ZDHHC7: variants seen among roughly 807,000 people sequenced by gnomAD.
ZDHHC7 encodes palmitoyltransferase ZDHHC7.
ZDHHC7 carries 12 observed loss-of-function variants against 34.1 expected under a neutral mutation model. The ratio of observed to expected loss-of-function variants is 0.35; its 90% CI spans 0.23 to 0.57. ZDHHC7 has a LOEUF of 0.57. Ranked by LOEUF, ZDHHC7 falls within the 20% of genes least tolerant of loss-of-function variation. The probability of loss-of-function intolerance (pLI) is 0.84; values close to 1 mark genes in which losing one functional copy is unlikely to be tolerated. For synonymous variants in ZDHHC7, 185 were observed against 155.4 expected (o/e 1.19, Z -1.42); for missense variants, 388 against 402.7 (o/e 0.96, Z 0.31).
At position 84,975,425 on chromosome 16, in the gene ZDHHC7, T is replaced by TA. The variant is rs2143523620; in HGVS notation, c.*917dup. The TA allele has an allele frequency of 6.6e-6, 1 of 152,096 alleles. No homozygotes were observed. Among genetic ancestry groups the TA allele is most frequent in the Admixed American group, 6.6e-5 (1 of 15,238 alleles). The allele number at this position is 152,096 out of a possible 1,614,324, so 9.4% of individuals were successfully genotyped here. A position where few individuals can be genotyped will look rare whatever the true frequency, so the allele number is the denominator to read the frequency against. The stretch of plus-strand genomic sequence containing the variant: ...GCTCTGCTCTTACCTAGGTGCCATT[T>TA]ATACACTGCTAATTTGGCTGGAACA... On this transcript the variant is annotated 3_prime_UTR_variant, in exon 8 of 8. Coordinates refer to ENST00000313732, the MANE Select transcript of ZDHHC7 (RefSeq NM_017740.3).
At chr16:85,000,054 C>T (rs1224404347) in intron 1 of ZDHHC7, among the ~76,000 whole-genome samples, 1 of 151,728 alleles carries the variant, frequency 6.6e-6, no homozygotes, top group Non-Finnish European at 1.5e-5. Flanking sequence ...GCAGGAGGAT[C>T]GCTTGAGTCT....
intron 1 of ZDHHC7, among the ~76,000 whole-genome samples, chr16:85,005,779 T>G (rs1012020368): frequency 1.3e-5 from 2 of 152,220 alleles, no homozygotes; most frequent in Non-Finnish European, 2.9e-5. Context: ...CGGCAGTGTT[T>G]CCCGGTGAAC....
chr16:84,989,378 C>G (rs953830555), intron 3 of ZDHHC7, among the ~76,000 whole-genome samples: 2 of 152,160 alleles, frequency 1.3e-5, no homozygotes, highest in Non-Finnish European at 2.9e-5. Context: ...ATTCTGTGAG[C>G]TGATCCGTTT....
chr16:84,979,891 C>G (rs2072343938), intron 4 of ZDHHC7, among the ~76,000 whole-genome samples: 1 of 151,116 alleles, frequency 6.6e-6, no homozygotes, highest in African/African-American at 2.4e-5. Context: ...TTAATTACAT[C>G]AAGCAGACAT....
At chr16:84,978,616 A>G (rs2143547712) in intron 5 of ZDHHC7, among the ~76,000 whole-genome samples, 1 of 152,200 alleles carries the variant, frequency 6.6e-6, no homozygotes, top group Admixed American at 6.5e-5. Flanking sequence ...TAATCCTAGC[A>G]CTTTGGGAGG....
At chr16:85,010,310 C>A (rs967570532) in intron 1 of ZDHHC7, among the ~76,000 whole-genome samples, 9 of 152,130 alleles carry the variant, frequency 5.9e-5, no homozygotes, top group African/African-American at 1.9e-4. Context: ...GCATGAGCCA[C>A]GAGCCACCGC....
At chr16:84,998,806 T>C (rs577576532) in intron 1 of ZDHHC7, among the ~76,000 whole-genome samples, 2 of 142,056 alleles carry the variant, frequency 1.4e-5, no homozygotes, top group African/African-American at 5.4e-5. Context: ...CAGGCTGGAG[T>C]GCAGTGGCGC....
upstream of ZDHHC7, among the ~76,000 whole-genome samples, chr16:85,013,362 C>T (rs918345846): frequency 7.9e-5 from 12 of 152,016 alleles, no homozygotes; most frequent in African/African-American, 2.7e-4. Context: ...CCTGCCTCAA[C>T]CTCCTGAGTA....
intron 3 of ZDHHC7, among the ~76,000 whole-genome samples, chr16:84,988,325 C>T (rs994962217): frequency 5.3e-5 from 8 of 152,042 alleles, no homozygotes; most frequent in Non-Finnish European, 5.9e-5. Context: ...GTCCTAAAAC[C>T]GACTGGGTGA....
intron 1 of ZDHHC7, among the ~76,000 whole-genome samples, chr16:85,004,541 C>A (rs1039482326): frequency 4.0e-5 from 6 of 151,382 alleles, no homozygotes; most frequent in Admixed American, 2.0e-4. Context: ...CCCCACCCCC[C>A]ACTCCACCCC....
chr16:85,001,240 G>A (rs1283192272), intron 1 of ZDHHC7, among the ~76,000 whole-genome samples: 1 of 152,124 alleles, frequency 6.6e-6, no homozygotes, highest in Non-Finnish European at 1.5e-5. Context: ...GGAGGCCAAG[G>A]TGGGTGGATC....
In ZDHHC7 at chr16:85,002,190, C is replaced by T. The variant is rs2072661930; in HGVS notation, c.-103-6183G>A. 2.6e-5 allele frequency among the ~76,000 whole-genome samples: 4 copies of T among 152,152 alleles called. No homozygotes were observed. In the South Asian group the frequency reaches 8.3e-4, roughly 32 times the overall value. Reference sequence around the variant, plus strand: ...AAACAGAAAATAGACAAATACCCAGCGCCACGAGTCCGAGGAATGCCTGTG... The same window carrying T: ...AAACAGAAAATAGACAAATACCCAGTGCCACGAGTCCGAGGAATGCCTGTG... On this transcript the variant is annotated intron_variant, in intron 1 of 7. Transcript: ENST00000313732.
In ZDHHC7 at chr16:84,974,864, G is replaced by GC. The variant is rs2072274091; in HGVS notation, c.*1478dup. ...TAGGTCCCTTTGTGGTTTTGCATCA[G>GC]CAGTGGTAGAAGCCCTGATTCGGAT... is the stretch of plus-strand genomic sequence containing the variant. On this transcript the variant is annotated 3_prime_UTR_variant, in exon 8 of 8. Coordinates refer to ENST00000313732, the MANE Select transcript of ZDHHC7 (RefSeq NM_017740.3). 1 of 152,702 alleles carries GC rather than the reference G, an allele frequency of 6.5e-6. No homozygotes were observed. Among genetic ancestry groups the GC allele is most frequent in the Non-Finnish European group, 1.5e-5 (1 of 68,082 alleles). The allele number at this position is 152,702 out of a possible 1,614,324, so 9.5% of individuals were successfully genotyped here.
chr16:84,992,389 C>G (rs1030023516), intron 2 of ZDHHC7, among the ~76,000 whole-genome samples: 1 of 146,824 alleles, frequency 6.8e-6, no homozygotes, highest in African/African-American at 2.4e-5. Flanking sequence ...AGGAGAACTG[C>G]TTGAACCCGG....
chr16:84,990,309 C>T lies in ZDHHC7; in HGVS notation c.310G>A (p.Asp104Asn), dbSNP rs752614159. ...LSSHLRTMLT[D>N]PGAVPKGNAT... ...GAGACGCAGCCAGTACTCACAGGGT[C>T]GGTGAGCATGGTTCTCAGGTGGGAT... The change falls in exon 3 of 8, where the codon GAC (aspartate) becomes AAC (asparagine). Residue 104 changes from aspartate (D) to asparagine (N), a missense_variant. Physicochemically the swap from Asp to Asn is conservative, Grantham distance 23. Coordinates refer to ENST00000313732, the MANE Select transcript of ZDHHC7 (RefSeq NM_017740.3). 15 of 1,613,300 alleles carry T rather than the reference C, an allele frequency of 9.3e-6. No homozygotes were observed. The Admixed American group carries it at 1.2e-4, about 13-fold the overall frequency.
chr16:84,976,578 A>G, intron 7 of ZDHHC7, 59 bp from the exon 8 acceptor site: 1 of 1,579,780 alleles, frequency 6.3e-7, no homozygotes, highest in Non-Finnish European at 8.6e-7. Context: ...AGACCCCACC[A>G]AGCCTCAGAA....
chr16:84,977,020 T>A, intron 7 of ZDHHC7, 75 bp downstream of exon 7: 1 of 1,580,942 alleles, frequency 6.3e-7, no homozygotes, highest in Non-Finnish European at 8.6e-7. Context: ...AGGCACCTAT[T>A]GTTGACATTA....
chr16:84,996,266 G>A (rs995825643), intron 1 of ZDHHC7, among the ~76,000 whole-genome samples: 1 of 152,124 alleles, frequency 6.6e-6, no homozygotes, highest in Non-Finnish European at 1.5e-5. Context: ...GTTAAATACA[G>A]ATCTATAAGC....
chr16:84,986,247 A>G (rs2072435506), intron 3 of ZDHHC7, among the ~76,000 whole-genome samples: 1 of 152,170 alleles, frequency 6.6e-6, no homozygotes, highest in South Asian at 2.1e-4. Context: ...AATTTCCCAT[A>G]AGAAGTGAAA....
Sources: allele counts gnomAD v4.1 joint callset (sites outside exome capture counted in the v4.1 genomes callset), GRCh38; gene constraint gnomAD v4.1.1; transcripts MANE v1.5; gene names NCBI Gene and HGNC (gene_info 2026-07-23, HGNC 2026-07-21).